The following LHPP variants were observed in gnomAD, a reference collection of about 807,000 sequenced individuals.
LHPP encodes hLHPP.
A neutral mutation model predicts 30.3 loss-of-function variants in LHPP; 24 were observed. The ratio of observed to expected loss-of-function variants is 0.79; its 90% CI spans 0.57 to 1.11. The LOEUF (loss-of-function observed/expected upper bound fraction) is 1.11. Ranked by LOEUF, LHPP falls within the 50% of genes most tolerant of loss-of-function variation. The probability of loss-of-function intolerance (pLI) is 0.00; values close to 1 mark genes in which losing one functional copy is unlikely to be tolerated. For synonymous variants in LHPP, 150 were observed against 157.1 expected (o/e 0.95, Z 0.34); for missense variants, 356 against 367.2 (o/e 0.97, Z 0.25).
chr10:124,475,279 C>T (rs917072617), intron 1 of LHPP, among the ~76,000 whole-genome samples: 1 of 151,970 alleles, frequency 6.6e-6, no homozygotes, highest in Admixed American at 6.5e-5. Flanking sequence ...AAGTGACCCA[C>T]CCGCCTTGGC....
intron 6 of LHPP, among the ~76,000 whole-genome samples, chr10:124,572,622 C>T (rs1948600192): frequency 1.2e-5 from 1 of 86,910 alleles, no homozygotes; most frequent in Non-Finnish European, 2.4e-5. Context: ...CAGAGCGAGA[C>T]TCCATCTCAA....
intron 6 of LHPP, among the ~76,000 whole-genome samples, chr10:124,524,958 A>G (rs896520054): frequency 6.6e-5 from 10 of 152,238 alleles, no homozygotes; most frequent in African/African-American, 2.4e-4. Flanking sequence ...CAAACACTCT[A>G]AGGTCAAGAA....
At position 124,541,860 on chromosome 10, in the gene LHPP, C is replaced by A. The variant is rs1474482032; in HGVS notation, c.716+24589C>A. Among the ~76,000 whole-genome samples the A allele has an allele frequency of 1.3e-5, 2 of 152,114 alleles. No individual in the cohort carries two copies. The highest frequency in any genetic ancestry group is 3.9e-4 in the East Asian group (2 of 5,176). The stretch of plus-strand genomic sequence containing the variant: ...CAGATGGGGTGACCTTTCCTTCACC[C>A]CTACTTCCCCACTGCAAGGGTGCTG... On this transcript the variant is annotated intron_variant, in intron 6 of 6. Transcript: ENST00000368842. This position sits in a 1 kb window ranked among gnomAD's most constrained non-coding sequence, Gnocchi z 4.2.
intron 1 of LHPP, among the ~76,000 whole-genome samples, chr10:124,466,323 G>T (rs1433371263): frequency 3.3e-5 from 5 of 152,216 alleles, no homozygotes; most frequent in Admixed American, 2.6e-4. Flanking sequence ...TGCTGTGTTT[G>T]CATAAAGACA....
intron 5 of LHPP, among the ~76,000 whole-genome samples, chr10:124,499,139 C>CT (rs1416063352): frequency 6.6e-6 from 1 of 151,860 alleles, no homozygotes. Flanking sequence ...CTTGGCCTCT[C>CT]AAAGTGCTGG....
intron 1 of LHPP, among the ~76,000 whole-genome samples, chr10:124,468,570 G>A (rs543927579): frequency 1.3e-5 from 2 of 152,198 alleles, no homozygotes; most frequent in South Asian, 4.1e-4. Context: ...CCTTGTCCAC[G>A]AGGACCTTCT....
chr10:124,613,425 C>T lies in LHPP; in HGVS notation c.*65C>T. 8.6e-7 allele frequency: 1 copy of T among 1,162,428 alleles called. No individual in the cohort carries two copies. The highest frequency in any genetic ancestry group is 1.3e-6 in the Non-Finnish European group (1 of 792,786). 72.0% of individuals were successfully genotyped at this position (1,162,428 alleles called of 1,614,324 possible). A position where few individuals can be genotyped will look rare whatever the true frequency, so the allele number is the denominator to read the frequency against. ...CTCCTCCACCCCTGCCTCCCCTCCA[C>T]CCCTGCCTCTCCTCCACCCGCCCAG... is the stretch of plus-strand genomic sequence containing the variant. On this transcript the variant is annotated 3_prime_UTR_variant, in exon 7 of 7. Coordinates refer to ENST00000368842, the MANE Select transcript of LHPP (RefSeq NM_022126.4).
At chr10:124,490,995 A>G (rs891483380) in intron 3 of LHPP, among the ~76,000 whole-genome samples, 2 of 151,534 alleles carry the variant, frequency 1.3e-5, no homozygotes, top group Non-Finnish European at 2.9e-5. Flanking sequence ...CTGGAATCAC[A>G]GGGTTCTGCA....
chr10:124,551,820 G>A (rs1367539035), intron 6 of LHPP, among the ~76,000 whole-genome samples: 1 of 152,130 alleles, frequency 6.6e-6, no homozygotes, highest in African/African-American at 2.4e-5. Context: ...TGGGGAGCAG[G>A]GCTGCCACCT....
chr10:124,566,411 G>T (rs952680585), intron 6 of LHPP, among the ~76,000 whole-genome samples: 1 of 152,200 alleles, frequency 6.6e-6, no homozygotes, highest in Non-Finnish European at 1.5e-5. Flanking sequence ...GCCTCCTCTG[G>T]TGTCCTCTGC....
chr10:124,493,340 C>T (rs929692455), intron 3 of LHPP, among the ~76,000 whole-genome samples: 6 of 152,146 alleles, frequency 3.9e-5, no homozygotes, highest in African/African-American at 7.2e-5. Context: ...ACCATGCCGT[C>T]CTCGGCTGTG....
intron 2 of LHPP, among the ~76,000 whole-genome samples, chr10:124,484,649 T>C (rs1457658872): frequency 6.9e-6 from 1 of 144,288 alleles, no homozygotes; most frequent in African/African-American, 2.6e-5. Flanking sequence ...GGCGGAGTTC[T>C]AGCTCCTGTT....
At chr10:124,486,023 G>A (rs561766110) in intron 2 of LHPP, among the ~76,000 whole-genome samples, 4 of 152,012 alleles carry the variant, frequency 2.6e-5, no homozygotes, top group African/African-American at 4.8e-5. Flanking sequence ...ATGCATTTCC[G>A]AGTAAAATGC....
At chr10:124,498,166 G>A (rs747400014) in intron 5 of LHPP, 38 bp downstream of exon 5, 1 of 1,549,224 alleles carries the variant, frequency 6.5e-7, no homozygotes, top group East Asian at 2.3e-5. Context: ...AGGGGAGGCA[G>A]CCCCGTCAGG....
At chr10:124,610,852 C>T (rs375699521) in intron 6 of LHPP, among the ~76,000 whole-genome samples, 1,311 of 2,794 alleles carry the variant, frequency 0.47, 410 homozygotes, top group East Asian at 0.56. Flanking sequence ...AGGGTGTTGA[C>T]GGAGCGGGTG....
intron 6 of LHPP, among the ~76,000 whole-genome samples, chr10:124,557,424 C>T (rs1479751101): frequency 6.6e-6 from 1 of 152,186 alleles, no homozygotes; most frequent in African/African-American, 2.4e-5. Context: ...AAACCAGAGC[C>T]GCTGGACGAG....
At chr10:124,550,003 T>C (rs4962647) in intron 6 of LHPP, among the ~76,000 whole-genome samples, 104,285 of 152,204 alleles carry the variant, frequency 0.69, 36,004 homozygotes, top group South Asian at 0.78. Context: ...GGCACAGGTG[T>C]CCTGACCTTG....
At chr10:124,569,053 G>A (rs973452296) in intron 6 of LHPP, among the ~76,000 whole-genome samples, 1 of 152,216 alleles carries the variant, frequency 6.6e-6, no homozygotes, top group African/African-American at 2.4e-5. Flanking sequence ...TGGGGGTGAG[G>A]GGTAAGCTTT....
At chr10:124,475,202 A>G (rs1952904895) in intron 1 of LHPP, among the ~76,000 whole-genome samples, 1 of 151,426 alleles carries the variant, frequency 6.6e-6, no homozygotes, top group African/African-American at 2.4e-5. Context: ...TTTGTATTTT[A>G]AATAGAGATG....
Sources: gnomAD v4.1 joint callset for allele counts (sites outside exome capture counted in the v4.1 genomes callset) on GRCh38, gnomAD v4.1.1 for gene constraint, Gnocchi (gnomAD v3.1) non-coding constraint, MANE v1.5 for transcripts, NCBI Gene and HGNC (gene_info 2026-07-23, HGNC 2026-07-21) for gene names.